Variants in TMEM62 observed in about 807,000 individuals in gnomAD.
TMEM62 encodes the protein transmembrane protein 62.
A neutral mutation model predicts 70.4 loss-of-function variants in TMEM62; 41 were observed. The observed-to-expected ratio is 0.58, with a 90% CI of 0.45 to 0.76. TMEM62 has a LOEUF of 0.76. Among genes scored for constraint, TMEM62 ranks in the 30% least tolerant of loss-of-function variants. The pLI is 0.00. For missense variants in TMEM62, 688 were observed against 788.5 expected (o/e 0.87, Z 1.53); for synonymous variants, 268 against 291.0 (o/e 0.92, Z 0.80).
At chr15:43,138,650 T>G in intron 4 of TMEM62, 31 bp downstream of exon 4, 2 of 1,542,002 alleles carry the variant, frequency 1.3e-6, no homozygotes, top group Middle Eastern at 3.4e-4. Flanking sequence ...CAGACCACTA[T>G]GTAGAGTCAG....
chr15:43,166,563 T>C (rs898246338), intron 10 of TMEM62, among the ~76,000 whole-genome samples: 3 of 151,974 alleles, frequency 2.0e-5, no homozygotes, highest in Non-Finnish European at 2.9e-5. Flanking sequence ...TTTTCTTTTT[T>C]TTTTTTTTTT....
At chr15:43,162,028 GCTGT>G (rs767393291) in intron 10 of TMEM62, among the ~76,000 whole-genome samples, 22 of 151,692 alleles carry the variant, frequency 1.5e-4, no homozygotes, top group Non-Finnish European at 2.8e-4. Flanking sequence ...ATTCTCTTTT[GCTGT>G]CTGATTTTTT....
At chr15:43,181,097 A>T in intron 12 of TMEM62, 84 bp from the exon 13 acceptor site, 1 of 898,354 alleles carries the variant, frequency 1.1e-6, no homozygotes, top group Non-Finnish European at 1.8e-6. Flanking sequence ...TCTCTGCTTT[A>T]TTCCTATAAA....
At position 43,169,396 on chromosome 15, in the gene TMEM62, T is replaced by C. The variant is rs556278250; in HGVS notation, c.1297-197T>C. Among the ~76,000 whole-genome samples, 6 of 152,346 alleles carry C rather than the reference T, an allele frequency of 3.9e-5. No individual in the cohort carries two copies. In the South Asian group the frequency reaches 1.2e-3, roughly 32 times the overall value. ...AAATCCAAATGTTATAACAATATGC[T>C]CCTATCCTTGTTATCACTTAGAAAA... On this transcript the variant is annotated intron_variant, in intron 10 of 13. Coordinates refer to ENST00000260403, the MANE Select transcript of TMEM62 (RefSeq NM_024956.4).
In TMEM62 at chr15:43,169,601, C is replaced by A; in HGVS notation, c.1305C>A (p.Val435=). The A allele has an allele frequency of 6.2e-7, 1 of 1,613,866 alleles. No individual in the cohort carries two copies. Among genetic ancestry groups the A allele is most frequent in the South Asian group, 1.1e-5 (1 of 91,028 alleles). ...LRTDHYIMAR[V]LFVLIVLSQL... ...CATCTATTTCCCTGCAGGCCCGGGT[C>A]CTTTTTGTGCTGATTGTGCTGAGCC... is the stretch of plus-strand genomic sequence containing the variant. Residue 435 remains valine, a synonymous_variant, in exon 11 of 14, where the codon GTC becomes GTA. Transcript: ENST00000260403.
chr15:43,158,981 GACT>G (rs2038356306), intron 9 of TMEM62, among the ~76,000 whole-genome samples: 4 of 152,082 alleles, frequency 2.6e-5, no homozygotes, highest in Admixed American at 2.6e-4. Flanking sequence ...TCTTCATGTT[GACT>G]ACTAAGCCCT....
intron 13 of TMEM62, among the ~76,000 whole-genome samples, chr15:43,183,084 G>C (rs988052218): frequency 1.3e-5 from 2 of 152,130 alleles, no homozygotes; most frequent in Non-Finnish European, 2.9e-5. Flanking sequence ...TGTTTTTCCA[G>C]TTTTAATAAA....
At chr15:43,162,900 T>C (rs2038926061) in intron 10 of TMEM62, among the ~76,000 whole-genome samples, 1 of 151,964 alleles carries the variant, frequency 6.6e-6, no homozygotes, top group South Asian at 2.1e-4. Flanking sequence ...GTGGGCACAC[T>C]ATTTTATATA....
chr15:43,151,194 A>G (rs2042742), intron 7 of TMEM62, among the ~76,000 whole-genome samples: 133,302 of 152,040 alleles, frequency 0.88, 58,584 homozygotes, highest in Middle Eastern at 0.92. Context: ...AAAAATAGCC[A>G]GGTGTGGTGG....
intron 12 of TMEM62, chr15:43,179,695 A>G (rs985415287): frequency 6.6e-6 from 1 of 152,238 alleles, no homozygotes; most frequent in Non-Finnish European, 1.5e-5. Context: ...CTAAAAGTCA[A>G]TTAGGAGTAC....
At chr15:43,163,150 T>C (rs779014772) in intron 10 of TMEM62, among the ~76,000 whole-genome samples, 68 of 151,702 alleles carry the variant, frequency 4.5e-4, no homozygotes, top group Non-Finnish European at 8.4e-4. Flanking sequence ...TGTAGTTCCC[T>C]CAGATCTCAT....
Position 43,154,755 on chromosome 15 carries a change from C to T in TMEM62, c.1106C>T (p.Ser369Phe). ...CATTTAGGCCAGGCTGTTCATGTGT[C>T]TGGTCCCATTTTCGTACTGAAGTGG... is the stretch of plus-strand genomic sequence containing the variant. ...GVHLGQAVHV[S>F]GPIFVLKWNP... The change falls in exon 9 of 14, where the codon TCT becomes TTT. Residue 369 changes from serine (S) to phenylalanine (F), a missense_variant. Transcript: ENST00000260403. The T allele has an allele frequency of 6.2e-7, 1 of 1,613,994 alleles. No homozygotes were observed. The highest frequency in any genetic ancestry group is 1.1e-5 in the South Asian group (1 of 91,064).
rs566640392 is a variant in TMEM62, at chr15:43,150,273, C to G, written c.866+1122C>G. 9.2e-5 allele frequency among the ~76,000 whole-genome samples: 14 copies of G among 152,318 alleles called. No individual in the cohort carries two copies. The East Asian group carries it at 2.5e-3, about 27-fold the overall frequency. On this transcript the variant is annotated intron_variant, in intron 7 of 13. Transcript: ENST00000260403. ...TACTTTGAGCTAAGAGTTGTCTGTT[C>G]ATGGCTGTGAGGCTGTGGGCTGGGC...
At position 43,181,203 on chromosome 15, in the gene TMEM62, C is replaced by A; in HGVS notation, c.1509C>A (p.Ile503=). 6.2e-7 allele frequency: 1 copy of A among 1,613,600 alleles called. No individual in the cohort carries two copies. The highest frequency in any genetic ancestry group is 8.5e-7 in the Non-Finnish European group (1 of 1,179,706). Reference sequence around the variant, plus strand: ...TAGGTCCATGGTTTTTTGGTGAAATCATTGATGGCAAATTTGGTTGCTGCT... The same window carrying A: ...TAGGTCCATGGTTTTTTGGTGAAATAATTGATGGCAAATTTGGTTGCTGCT... ...TVLGPWFFGE[I]IDGKFGCCFS... is the part of the protein sequence containing the mutation. The change falls in exon 13 of 14, where the codon ATC becomes ATA. Residue 503 remains isoleucine, a synonymous_variant. Transcript: ENST00000260403.
At chr15:43,134,096 A>C (rs1246207436) in intron 1 of TMEM62, 114 bp downstream of exon 1, 1 of 1,433,372 alleles carries the variant, frequency 7.0e-7, no homozygotes. Context: ...TCAGATTGTA[A>C]CTCGAGGCTC....
chr15:43,160,885 A>G (rs2038623105), intron 10 of TMEM62, 91 bp downstream of exon 10: 5 of 633,544 alleles, frequency 7.9e-6, no homozygotes, highest in Non-Finnish European at 1.3e-5. Context: ...TTCACTTTCC[A>G]TGGTTTCAGT....
intron 8 of TMEM62, among the ~76,000 whole-genome samples, chr15:43,152,629 A>T (rs1384726660): frequency 6.6e-6 from 1 of 152,092 alleles, no homozygotes; most frequent in Non-Finnish European, 1.5e-5. Context: ...TCCTGACCTC[A>T]AGGGATCCGC....
chr15:43,145,497 G>A (rs1014918055), intron 4 of TMEM62, among the ~76,000 whole-genome samples: 42 of 152,182 alleles, frequency 2.8e-4, no homozygotes, highest in African/African-American at 8.7e-4. Flanking sequence ...GAGCCACCGC[G>A]CCTGGCCCTG....
chr15:43,141,514 G>T (rs754355647), intron 4 of TMEM62, among the ~76,000 whole-genome samples: 1 of 152,184 alleles, frequency 6.6e-6, no homozygotes, highest in African/African-American at 2.4e-5. Context: ...ACCTGGTCAC[G>T]CAAGAGCTCT....
Sources: allele counts gnomAD v4.1 joint callset (sites outside exome capture counted in the v4.1 genomes callset), GRCh38; gene constraint gnomAD v4.1.1; transcripts MANE v1.5; gene names NCBI Gene and HGNC (gene_info 2026-07-23, HGNC 2026-07-21).